TPP2: variants seen among roughly 807,000 people sequenced by gnomAD.
TPP2 encodes the protein tripeptidyl peptidase 2.
In TPP2, 34 loss-of-function variants were observed where a neutral mutation model predicts 155.9. The observed-to-expected ratio is 0.22, with a 90% CI of 0.17 to 0.29. The LOEUF (loss-of-function observed/expected upper bound fraction) is 0.29. Among genes scored for constraint, TPP2 ranks in the 10% least tolerant of loss-of-function variants. The probability of loss-of-function intolerance (pLI) is 1.00; values close to 1 mark genes in which losing one functional copy is unlikely to be tolerated. For synonymous variants in TPP2, 510 were observed against 529.4 expected (o/e 0.96, Z 0.50); for missense variants, 1,028 against 1,522.3 (o/e 0.68, Z 5.40).
At chr13:102,673,900 G>A (rs1192343184) in intron 27 of TPP2, among the ~76,000 whole-genome samples, 2 of 151,730 alleles carry the variant, frequency 1.3e-5, no homozygotes, top group Admixed American at 6.6e-5. Context: ...ATAACCTCTG[G>A]GTATACACAT....
chr13:102,599,504 G>A (rs746444789), intron 1 of TPP2, among the ~76,000 whole-genome samples: 3 of 152,178 alleles, frequency 2.0e-5, no homozygotes, highest in Non-Finnish European at 2.9e-5. Flanking sequence ...AGGAAGATGA[G>A]GCTGAACTGG....
At chr13:102,624,476 C>T (rs906199498) in intron 6 of TPP2, among the ~76,000 whole-genome samples, 1 of 152,142 alleles carries the variant, frequency 6.6e-6, no homozygotes, top group Non-Finnish European at 1.5e-5. Context: ...ATACTCATTA[C>T]CCCCAAAAGT....
At chr13:102,635,065 A>G (rs1353592112) in intron 11 of TPP2, among the ~76,000 whole-genome samples, 1 of 152,182 alleles carries the variant, frequency 6.6e-6, no homozygotes, top group Non-Finnish European at 1.5e-5. Context: ...TTCTTCCCAT[A>G]AAACAGTAAT....
chr13:102,616,754 G>A lies in TPP2; in HGVS notation c.495+254G>A, dbSNP rs183160144. 1.2e-3 allele frequency among the ~76,000 whole-genome samples: 181 copies of A among 152,304 alleles called. 1 individual carries two copies. The highest frequency in any genetic ancestry group is 4.2e-3 in the African/African-American group (175 of 41,560). ...TGTGTTTGGTTATGAATTCTCCCATGAAAGCTGCACCTAGGAATTTCTCTT... is the reference window on the plus strand; with the variant it reads ...TGTGTTTGGTTATGAATTCTCCCATAAAAGCTGCACCTAGGAATTTCTCTT... On this transcript the variant is annotated intron_variant, in intron 4 of 29. Transcript: ENST00000376052.
At chr13:102,641,718 C>G (rs1882779759) in intron 16 of TPP2, among the ~76,000 whole-genome samples, 1 of 152,126 alleles carries the variant, frequency 6.6e-6, no homozygotes, top group Non-Finnish European at 1.5e-5. Flanking sequence ...ATAGCAAAAG[C>G]TGAGAGCTAA....
intron 16 of TPP2, among the ~76,000 whole-genome samples, chr13:102,641,414 C>G (rs902789693): frequency 6.6e-6 from 1 of 152,168 alleles, no homozygotes; most frequent in South Asian, 2.1e-4. Flanking sequence ...TGTCTAGTCC[C>G]GTCAGAACCC....
intron 1 of TPP2, among the ~76,000 whole-genome samples, chr13:102,599,335 C>G (rs1879249595): frequency 6.6e-6 from 1 of 152,128 alleles, no homozygotes; most frequent in South Asian, 2.1e-4. Context: ...CAGATATTGG[C>G]CTAAACATAG....
chr13:102,616,089 T>C (rs1371452964), intron 3 of TPP2, among the ~76,000 whole-genome samples: 2 of 152,126 alleles, frequency 1.3e-5, no homozygotes, highest in Admixed American at 6.5e-5. Context: ...CCCAAGTAGC[T>C]GGGATTACAG....
chr13:102,666,330 A>G (rs1000741016), intron 27 of TPP2, among the ~76,000 whole-genome samples: 1 of 152,216 alleles, frequency 6.6e-6, no homozygotes, highest in African/African-American at 2.4e-5. Flanking sequence ...GAGAAGGTTA[A>G]CATAACTCAG....
chr13:102,625,377 GATGGTCTCGATCT>G (rs1212076808), intron 6 of TPP2, among the ~76,000 whole-genome samples: 1 of 150,842 alleles, frequency 6.6e-6, no homozygotes, highest in Non-Finnish European at 1.5e-5. Context: ...TGTTAGCCAG[GATGGTCTCGATCT>G]CCTGACCTCG....
chr13:102,659,028 CT>C (rs2139576666), intron 25 of TPP2, among the ~76,000 whole-genome samples: 1 of 152,330 alleles, frequency 6.6e-6, no homozygotes, highest in African/African-American at 2.4e-5. Flanking sequence ...CTTCCACTCC[CT>C]GTTCCAGAGC....
At chr13:102,623,960 G>A (rs563701978) in intron 6 of TPP2, among the ~76,000 whole-genome samples, 2 of 152,250 alleles carry the variant, frequency 1.3e-5, no homozygotes, top group East Asian at 3.9e-4. Flanking sequence ...TTGTTATACT[G>A]TAGTTTTTTA....
chr13:102,646,961 G>A (rs1021477885), intron 20 of TPP2, among the ~76,000 whole-genome samples: 1 of 152,200 alleles, frequency 6.6e-6, no homozygotes, highest in African/African-American at 2.4e-5. Flanking sequence ...TAGAGGTCCT[G>A]AAGTATGTAT....
intron 24 of TPP2, among the ~76,000 whole-genome samples, chr13:102,656,360 C>G (rs1050059299): frequency 6.6e-6 from 1 of 152,134 alleles, no homozygotes; most frequent in African/African-American, 2.4e-5. Context: ...TCAGAAGATA[C>G]AGCTGTGCTT....
chr13:102,636,946 T>C, intron 13 of TPP2, 136 bp from the exon 14 acceptor site: 1 of 794,448 alleles, frequency 1.3e-6, no homozygotes, highest in South Asian at 1.9e-5. Context: ...TTGACTGTTT[T>C]ATTTAAGCTG....
At chr13:102,624,542 T>G (rs1881425448) in intron 6 of TPP2, among the ~76,000 whole-genome samples, 1 of 152,210 alleles carries the variant, frequency 6.6e-6, no homozygotes, top group Admixed American at 6.5e-5. Flanking sequence ...ACCACTGATC[T>G]GTTTTCTGTC....
intron 3 of TPP2, among the ~76,000 whole-genome samples, chr13:102,614,599 C>T (rs1880577228): frequency 6.6e-6 from 1 of 152,128 alleles, no homozygotes; most frequent in South Asian, 2.1e-4. Context: ...AATGTCCCTC[C>T]CCTGTTTAAC....
At chr13:102,626,962 C>T in intron 6 of TPP2, 50 bp from the exon 7 acceptor site, 1 of 1,442,260 alleles carries the variant, frequency 6.9e-7, no homozygotes, top group Non-Finnish European at 9.2e-7. Context: ...ATTGAATAAA[C>T]TTTCAGTCCA....
intron 24 of TPP2, among the ~76,000 whole-genome samples, chr13:102,656,720 T>C (rs1883883666): frequency 6.6e-6 from 1 of 152,216 alleles, no homozygotes; most frequent in South Asian, 2.1e-4. Flanking sequence ...TTTCATCCCC[T>C]TCTCAGATTT....
Sources: gnomAD v4.1 joint callset for allele counts (sites outside exome capture counted in the v4.1 genomes callset) on GRCh38, gnomAD v4.1.1 for gene constraint, MANE v1.5 for transcripts, NCBI Gene and HGNC (gene_info 2026-07-23, HGNC 2026-07-21) for gene names.